The following ZC3H7A variants were observed in gnomAD, a reference collection of about 807,000 sequenced individuals.
ZC3H7A encodes zinc finger CCCH domain-containing protein 7A.
A neutral mutation model predicts 125.5 loss-of-function variants in ZC3H7A; 44 were observed. That is an observed-to-expected ratio of 0.35 (90% CI 0.28 to 0.45). ZC3H7A has a LOEUF of 0.45. Ranked by LOEUF, ZC3H7A falls within the 20% of genes least tolerant of loss-of-function variation. The probability of loss-of-function intolerance (pLI) is 1.00; values close to 1 mark genes in which losing one functional copy is unlikely to be tolerated. For missense variants in ZC3H7A, 977 were observed against 1,170.7 expected, an observed-to-expected ratio of 0.83 and a Z score of 2.41; for synonymous variants, 399 against 391.2, an observed-to-expected ratio of 1.02 and a Z score of -0.23.
Position 11,756,293 on chromosome 16 carries a change from A to C in ZC3H7A, c.2506T>G (p.Ser836Ala). Residue 836 changes from serine to alanine, a missense_variant, in exon 21 of 23, where the codon TCA (serine) becomes GCA (alanine). Around this residue, in one of 3 missense-constraint regions of ZC3H7A, gnomAD observed 436 missense variants for 603.2 expected, o/e 0.72. Transcript: ENST00000355758. ...NEKSEDIASQSNKENGKQIHM... is the reference protein window; with the variant it reads ...NEKSEDIASQANKENGKQIHM... ...ATTTGTTTTCCATTTTCCTTGTTTGACTGACTGGCTATGTCTTCACTTTTT... is the reference window on the plus strand; with the variant it reads ...ATTTGTTTTCCATTTTCCTTGTTTGCCTGACTGGCTATGTCTTCACTTTTT... 6.2e-7 allele frequency: 1 copy of C among 1,614,050 alleles called. No homozygotes were observed. Among genetic ancestry groups the C allele is most frequent in the Non-Finnish European group, 8.5e-7 (1 of 1,179,984 alleles).
intron 10 of ZC3H7A, among the ~76,000 whole-genome samples, chr16:11,769,779 G>GTTTTTTTT (rs2052942203): frequency 3.1e-5 from 2 of 63,544 alleles, no homozygotes; most frequent in Non-Finnish European, 5.2e-5. Context: ...GTTTTCAATT[G>GTTTTTTTT]CTTTCTTTTT....
chr16:11,765,702 T>C lies in ZC3H7A; in HGVS notation c.1523-17A>G, dbSNP rs1325859414. On this transcript the variant is annotated splice_polypyrimidine_tract_variant and intron_variant, in intron 13 of 22. Transcript: ENST00000355758. This position sits in a 1 kb window ranked among gnomAD's most constrained non-coding sequence, Gnocchi z 4.8. ...CAGCAACATCTAGAAAGACAGGGAA[T>C]GGACAGACATTGAAAACATGGCAAT... 1 of 1,601,938 alleles carries C rather than the reference T, an allele frequency of 6.2e-7. No individual in the cohort carries two copies. Among genetic ancestry groups the C allele is most frequent in the African/African-American group, 1.3e-5 (1 of 74,518 alleles).
intron 21 of ZC3H7A, chr16:11,753,739 C>G (rs2052589711): frequency 6.6e-6 from 1 of 152,240 alleles, no homozygotes; most frequent in African/African-American, 2.4e-5. Context: ...ACCTCCATCT[C>G]CCAGGTTTAA....
At chr16:11,768,889 C>T (rs887517328) in intron 11 of ZC3H7A, 142 bp downstream of exon 11, 2 of 785,436 alleles carry the variant, frequency 2.5e-6, no homozygotes, top group African/African-American at 3.5e-5. Flanking sequence ...ACTAGATGTT[C>T]CAGAAGTCTT....
intron 22 of ZC3H7A, among the ~76,000 whole-genome samples, chr16:11,752,169 G>T (rs1219329636): frequency 6.6e-6 from 1 of 152,058 alleles, no homozygotes; most frequent in Non-Finnish European, 1.5e-5. Flanking sequence ...GCCTCCCAAA[G>T]TGCTGGGATT....
chr16:11,767,679 T>A, intron 12 of ZC3H7A, 101 bp from the exon 13 acceptor site: 1 of 1,198,496 alleles, frequency 8.3e-7, no homozygotes, highest in Non-Finnish European at 1.1e-6. Flanking sequence ...CATCAATTAT[T>A]AAATTCCCAC....
intron 19 of ZC3H7A, 22 bp downstream of exon 19, chr16:11,761,384 G>A (rs371361857): frequency 3.1e-6 from 5 of 1,604,388 alleles, no homozygotes; most frequent in South Asian, 2.2e-5. Context: ...TAAAAAAAGT[G>A]GCTTAAAAAT....
intron 9 of ZC3H7A, 72 bp downstream of exon 9, chr16:11,774,164 A>T: frequency 5.0e-6 from 7 of 1,393,538 alleles, no homozygotes; most frequent in Non-Finnish European, 6.6e-6. Flanking sequence ...GAAAAAGTCT[A>T]TCAAGTTATA....
At chr16:11,796,720 G>A (rs1326163921) in intron 1 of ZC3H7A, 1 of 152,166 alleles carries the variant, frequency 6.6e-6, no homozygotes, top group Non-Finnish European at 1.5e-5. Context: ...AATGCGCCAA[G>A]CTCTCCGCCG....
chr16:11,761,092 A>G (rs1405354870), intron 19 of ZC3H7A, among the ~76,000 whole-genome samples: 2 of 152,208 alleles, frequency 1.3e-5, no homozygotes, highest in African/African-American at 4.8e-5. Flanking sequence ...AATCACAATT[A>G]AATAAAATTT....
intron 9 of ZC3H7A, among the ~76,000 whole-genome samples, chr16:11,772,113 T>G (rs1442714982): frequency 1.3e-5 from 2 of 151,658 alleles, no homozygotes; most frequent in Non-Finnish European, 2.9e-5. Context: ...GATAATTGCT[T>G]GAACCTGGGA....
At chr16:11,794,516 G>T (rs1050356849) in intron 1 of ZC3H7A, among the ~76,000 whole-genome samples, 5 of 151,872 alleles carry the variant, frequency 3.3e-5, no homozygotes, top group Non-Finnish European at 7.4e-5. Context: ...TTTTCATAAG[G>T]ATTCTGGAGA....
rs760334204 is a variant in ZC3H7A at position 11,762,695 on chromosome 16, C to T, written c.2055G>A (p.Leu685=). ...AQESKRYWQN[L]EANVPGAQVL... is the part of the protein sequence containing the mutation. Reference sequence around the variant, plus strand: ...CCTGCGCTCCAGGTACATTTGCTTCCAAATTCTGCCAATATCGTTTAGACT... The same window carrying T: ...CCTGCGCTCCAGGTACATTTGCTTCTAAATTCTGCCAATATCGTTTAGACT... The change falls in exon 17 of 23, where the codon TTG becomes TTA. Residue 685 remains leucine, a synonymous_variant. Transcript: ENST00000355758. The T allele has an allele frequency of 6.2e-7, 1 of 1,613,978 alleles. No homozygotes were observed. The highest frequency in any genetic ancestry group is 2.2e-5 in the East Asian group (1 of 44,870).
At position 11,756,375 on chromosome 16, in the gene ZC3H7A, AG is replaced by A; in HGVS notation, c.2429-6del. On this transcript the variant is annotated splice_region_variant and splice_polypyrimidine_tract_variant and intron_variant, in intron 20 of 22. Coordinates refer to ENST00000355758, the MANE Select transcript of ZC3H7A (RefSeq NM_014153.4). ...AAAATTGCTCCATATCTTGTACTAA[AG>A]AAAAATGAATTACTTTCAGCAGCAG... 1.9e-6 allele frequency: 3 copies of A among 1,606,280 alleles called. No homozygotes were observed. The South Asian group carries it at 3.4e-5, about 18-fold the overall frequency.
At chr16:11,775,924 C>T (rs755705305) in intron 7 of ZC3H7A, among the ~76,000 whole-genome samples, 4 of 152,140 alleles carry the variant, frequency 2.6e-5, no homozygotes, top group Non-Finnish European at 4.4e-5. Context: ...TGGTGGGAGG[C>T]CAAGGCAGGA....
Position 11,751,138 on chromosome 16 carries a change from G to A in ZC3H7A, c.*179C>T, listed in dbSNP as rs748820849. 1 of 575,370 alleles carries A rather than the reference G, an allele frequency of 1.7e-6. No individual in the cohort carries two copies. Among genetic ancestry groups the A allele is most frequent in the Non-Finnish European group, 2.9e-6 (1 of 339,816 alleles). The allele number at this position is 575,370 out of a possible 1,614,324, so 35.6% of individuals were successfully genotyped here. A position where few individuals can be genotyped will look rare whatever the true frequency, so the allele number is the denominator to read the frequency against. On this transcript the variant is annotated 3_prime_UTR_variant, in exon 23 of 23. Transcript: ENST00000355758. Reference sequence around the variant, plus strand: ...CCATCTGATGCCAGTGGTTCCGTGAGAGCGTGGCCAGGCCTGTGAAACAGC... The same window carrying A: ...CCATCTGATGCCAGTGGTTCCGTGAAAGCGTGGCCAGGCCTGTGAAACAGC...
At chr16:11,791,201 G>A (rs905963427) in intron 1 of ZC3H7A, among the ~76,000 whole-genome samples, 8 of 151,342 alleles carry the variant, frequency 5.3e-5, no homozygotes, top group African/African-American at 9.8e-5. Flanking sequence ...CCTTGCCTCC[G>A]TACGGTGACC....
Position 11,765,714 on chromosome 16 carries a change from G to A in ZC3H7A, c.1523-29C>T. The A allele has an allele frequency of 6.3e-7, 1 of 1,596,746 alleles. No homozygotes were observed. The highest frequency in any genetic ancestry group is 1.1e-5 in the South Asian group (1 of 88,842). On this transcript the variant is annotated intron_variant, in intron 13 of 22. Coordinates refer to ENST00000355758, the MANE Select transcript of ZC3H7A (RefSeq NM_014153.4). The surrounding 1 kb of genome is among the most constrained non-coding windows in gnomAD (Gnocchi z 4.8). ...GAAAGACAGGGAATGGACAGACATTGAAAACATGGCAATTGGCCTGTACTC... is the reference window on the plus strand; with the variant it reads ...GAAAGACAGGGAATGGACAGACATTAAAAACATGGCAATTGGCCTGTACTC...
intron 1 of ZC3H7A, among the ~76,000 whole-genome samples, chr16:11,785,106 C>T (rs1436553024): frequency 2.6e-5 from 4 of 151,958 alleles, no homozygotes; most frequent in Non-Finnish European, 1.5e-5. Context: ...TGCAGTGAGC[C>T]GAGATGGTGC....
Sources: gnomAD v4.1 joint callset for allele counts (sites outside exome capture counted in the v4.1 genomes callset) on GRCh38, gnomAD v4.1.1 for gene constraint, gnomAD v4.1.1 regional missense constraint, Gnocchi (gnomAD v3.1) non-coding constraint, MANE v1.5 for transcripts, NCBI Gene and HGNC (gene_info 2026-07-23, HGNC 2026-07-21) for gene names.